The following MAP2K4 variants were observed in gnomAD, a reference collection of about 807,000 sequenced individuals.
MAP2K4 encodes dual specificity mitogen-activated protein kinase kinase 4.
Under a neutral mutation model 48.5 loss-of-function variants are expected in MAP2K4, and 4 were observed. That is an observed-to-expected ratio of 0.08 (90% CI 0.04 to 0.19). The LOEUF is 0.19. Ranked by LOEUF, MAP2K4 falls within the 10% of genes least tolerant of loss-of-function variation. MAP2K4 has a pLI of 1.00. For synonymous variants in MAP2K4, 166 were observed against 173.1 expected (o/e 0.96, Z 0.32); for missense variants, 258 against 493.3 (o/e 0.52, Z 4.52).
At chr17:12,058,216 A>G (rs1970342231) in intron 2 of MAP2K4, among the ~76,000 whole-genome samples, 1 of 149,144 alleles carries the variant, frequency 6.7e-6, no homozygotes. Context: ...AGTGGAATTA[A>G]CTAGACCTTT....
intron 1 of MAP2K4, among the ~76,000 whole-genome samples, chr17:12,025,371 T>C (rs989407262): frequency 6.6e-6 from 1 of 152,244 alleles, no homozygotes; most frequent in Admixed American, 6.5e-5. Flanking sequence ...TCTATAAGTA[T>C]ATACAGATTG....
intron 3 of MAP2K4, among the ~76,000 whole-genome samples, chr17:12,085,692 T>C (rs1173068254): frequency 6.6e-6 from 1 of 152,094 alleles, no homozygotes; most frequent in Non-Finnish European, 1.5e-5. Context: ...TTTAGTGTCC[T>C]TGACCTGGAG....
chr17:12,023,612 C>G (rs768586897), intron 1 of MAP2K4, among the ~76,000 whole-genome samples: 1 of 152,202 alleles, frequency 6.6e-6, no homozygotes, highest in Non-Finnish European at 1.5e-5. Context: ...TGGACATCCT[C>G]TTATGTGGTA....
chr17:12,105,932 T>C (rs1357474971), intron 4 of MAP2K4, among the ~76,000 whole-genome samples: 1 of 152,122 alleles, frequency 6.6e-6, no homozygotes. Flanking sequence ...CTATAGTTTT[T>C]AGCACCTGCC....
chr17:12,076,134 A>G (rs1460832588), intron 2 of MAP2K4, among the ~76,000 whole-genome samples: 3 of 152,096 alleles, frequency 2.0e-5, no homozygotes, highest in African/African-American at 7.2e-5. Flanking sequence ...TAATAACCCT[A>G]CTTGACTGGC....
At chr17:12,091,424 T>C (rs1033222215) in intron 3 of MAP2K4, among the ~76,000 whole-genome samples, 4 of 152,208 alleles carry the variant, frequency 2.6e-5, no homozygotes, top group Non-Finnish European at 5.9e-5. Context: ...TGAACATTTT[T>C]AGCTTGTCCT....
chr17:12,035,505 A>G (rs1289650995), intron 1 of MAP2K4, among the ~76,000 whole-genome samples: 3 of 152,208 alleles, frequency 2.0e-5, no homozygotes, highest in African/African-American at 7.2e-5. Flanking sequence ...AACAAGAACA[A>G]AACTCCGTCT....
intron 8 of MAP2K4, among the ~76,000 whole-genome samples, chr17:12,127,772 CAGAA>C (rs1389181932): frequency 9.2e-5 from 14 of 152,246 alleles, no homozygotes; most frequent in African/African-American, 2.9e-4. Flanking sequence ...ATAATTTTAA[CAGAA>C]AGAAACTTCA....
At chr17:12,138,107 G>T (rs959443446) in intron 9 of MAP2K4, among the ~76,000 whole-genome samples, 1 of 152,120 alleles carries the variant, frequency 6.6e-6, no homozygotes, top group East Asian at 1.9e-4. Flanking sequence ...ATAATTGTCA[G>T]CCTGGTCCTA....
intron 4 of MAP2K4, among the ~76,000 whole-genome samples, chr17:12,103,625 C>T (rs538562005): frequency 1.3e-5 from 2 of 152,100 alleles, no homozygotes; most frequent in East Asian, 1.9e-4. Flanking sequence ...ATCACATTTC[C>T]CTTTCCAGAT....
At chr17:12,094,222 G>C (rs1333584530) in intron 3 of MAP2K4, among the ~76,000 whole-genome samples, 1 of 152,068 alleles carries the variant, frequency 6.6e-6, no homozygotes, top group Non-Finnish European at 1.5e-5. Flanking sequence ...AATTTTATTT[G>C]CTTATGAAAT....
At chr17:12,129,613 G>A (rs1972962841) in intron 9 of MAP2K4, among the ~76,000 whole-genome samples, 1 of 152,204 alleles carries the variant, frequency 6.6e-6, no homozygotes. Flanking sequence ...CTCTAATGTG[G>A]TTCTCACAAT....
intron 3 of MAP2K4, among the ~76,000 whole-genome samples, chr17:12,093,730 G>A (rs1026868219): frequency 6.6e-6 from 1 of 151,978 alleles, no homozygotes; most frequent in African/African-American, 2.4e-5. Flanking sequence ...CCCAACCAAA[G>A]GGTTATTTGA....
chr17:12,035,246 G>A (rs28918093), intron 1 of MAP2K4, among the ~76,000 whole-genome samples: 1,566 of 152,296 alleles, frequency 0.01, 23 homozygotes, highest in African/African-American at 0.033. Context: ...GGCTGGGCAC[G>A]GTGGCTCATG....
intron 2 of MAP2K4, among the ~76,000 whole-genome samples, chr17:12,058,636 T>C (rs933106263): frequency 6.6e-6 from 1 of 152,236 alleles, no homozygotes; most frequent in African/African-American, 2.4e-5. Flanking sequence ...CTTCAACAGT[T>C]AATAGCATGG....
At chr17:12,117,828 A>G (rs1278011210) in intron 7 of MAP2K4, among the ~76,000 whole-genome samples, 1 of 152,178 alleles carries the variant, frequency 6.6e-6, no homozygotes. Flanking sequence ...ACCATATATG[A>G]CCTGAAGAAA....
At position 12,141,932 on chromosome 17, in the gene MAP2K4, A is replaced by G. The variant is rs1973388733; in HGVS notation, c.*672A>G. Reference sequence around the variant, plus strand: ...CGTTCAAAGAGGTGAACATTAAAATATAGAGACAGGACAGAATGTGTTCTT... The same window carrying G: ...CGTTCAAAGAGGTGAACATTAAAATGTAGAGACAGGACAGAATGTGTTCTT... On this transcript the variant is annotated 3_prime_UTR_variant, in exon 11 of 11. Transcript: ENST00000353533. 3 of 233,480 alleles carry G rather than the reference A, an allele frequency of 1.3e-5. No homozygotes were observed. Among genetic ancestry groups the G allele is most frequent in the Non-Finnish European group, 2.5e-5 (3 of 117,898 alleles). The allele number at this position is 233,480 out of a possible 1,614,324, so 14.5% of individuals were successfully genotyped here. A position where few individuals can be genotyped will look rare whatever the true frequency, so the allele number is the denominator to read the frequency against.
intron 1 of MAP2K4, among the ~76,000 whole-genome samples, chr17:12,053,558 A>T (rs569523518): frequency 1.3e-5 from 2 of 149,312 alleles, no homozygotes; most frequent in African/African-American, 2.5e-5. Context: ...TTTTTTTTTT[A>T]AATACAGTCA....
At chr17:12,115,500 G>A (rs1425863318) in intron 7 of MAP2K4, 9 of 602,690 alleles carry the variant, frequency 1.5e-5, no homozygotes, top group African/African-American at 3.8e-5. Flanking sequence ...GAAAAGGTAC[G>A]GTCAAAATAT....
Sources: gnomAD v4.1 joint callset for allele counts (sites outside exome capture counted in the v4.1 genomes callset) on GRCh38, gnomAD v4.1.1 for gene constraint, MANE v1.5 for transcripts, NCBI Gene and HGNC (gene_info 2026-07-23, HGNC 2026-07-21) for gene names.